Variants in C6 observed in about 807,000 individuals in gnomAD.
The protein encoded by C6 is complement C6.
C6 carries 101 observed loss-of-function variants against 112.9 expected under a neutral mutation model. The observed-to-expected ratio is 0.89, with a 90% CI of 0.76 to 1.06. The LOEUF (loss-of-function observed/expected upper bound fraction) is 1.06. Ranked by LOEUF, C6 falls within the 50% of genes least tolerant of loss-of-function variation. C6 has a pLI of 0.00. For missense variants in C6, 1,202 were observed against 1,104.6 expected, an observed-to-expected ratio of 1.09 and a Z score of -1.25; for synonymous variants, 431 against 384.1, an observed-to-expected ratio of 1.12 and a Z score of -1.43.
chr5:41,186,974 G>A (rs1749821863), intron 5 of C6, among the ~76,000 whole-genome samples: 1 of 151,988 alleles, frequency 6.6e-6, no homozygotes, highest in Non-Finnish European at 1.5e-5. Context: ...ATATTAATAT[G>A]TATTCTGTGA....
intron 1 of C6, among the ~76,000 whole-genome samples, chr5:41,210,577 C>T (rs557297349): frequency 9.9e-5 from 15 of 151,996 alleles, no homozygotes; most frequent in Non-Finnish European, 1.8e-4. Flanking sequence ...AGACCCTTGA[C>T]ATTTGAGAAA....
At chr5:41,234,188 A>G (rs1297820500) in intron 1 of C6, among the ~76,000 whole-genome samples, 1 of 152,118 alleles carries the variant, frequency 6.6e-6, no homozygotes, top group Non-Finnish European at 1.5e-5. Context: ...GAAAAGTAGA[A>G]AACACTATGT....
chr5:41,229,767 A>T (rs1041488011), intron 1 of C6, among the ~76,000 whole-genome samples: 1 of 152,144 alleles, frequency 6.6e-6, no homozygotes, highest in Admixed American at 6.6e-5. Flanking sequence ...TACTGTTAAC[A>T]GTGGGGTATT....
chr5:41,256,416 C>T (rs1054160312), intron 1 of C6, among the ~76,000 whole-genome samples: 6 of 108,436 alleles, frequency 5.5e-5, no homozygotes, highest in African/African-American at 2.3e-4. Context: ...TACCCTAAAA[C>T]TTAAAGTATA....
At chr5:41,214,119 G>A (rs1752100986), upstream of C6, among the ~76,000 whole-genome samples, 2 of 151,978 alleles carry the variant, frequency 1.3e-5, no homozygotes, top group South Asian at 2.1e-4. Flanking sequence ...GAACAAAATA[G>A]TGCAATAGAA....
intron 1 of C6, among the ~76,000 whole-genome samples, chr5:41,234,973 C>A (rs924789456): frequency 1.3e-5 from 2 of 150,842 alleles, no homozygotes; most frequent in African/African-American, 2.4e-5. Flanking sequence ...TCCTTCTATT[C>A]ACTGTGAAGA....
chr5:41,228,136 AT>A (rs772807374), intron 1 of C6, among the ~76,000 whole-genome samples: 2 of 151,498 alleles, frequency 1.3e-5, no homozygotes, highest in Non-Finnish European at 2.9e-5. Context: ...GTCTGCTTCC[AT>A]TTTTTTCAGC....
In C6 at chr5:41,151,231, A is replaced by T. The variant is rs918295774; in HGVS notation, c.2291-1206T>A. ...ATCTATGAGGTTATTGTGGTAGTTCAGGTGAAAGAGGATGATAATTTGGAC... is the reference window on the plus strand; with the variant it reads ...ATCTATGAGGTTATTGTGGTAGTTCTGGTGAAAGAGGATGATAATTTGGAC... On this transcript the variant is annotated intron_variant, in intron 15 of 17. Transcript: ENST00000337836. Among the ~76,000 whole-genome samples the T allele has an allele frequency of 1.0e-3, 154 of 152,304 alleles. 1 individual carries two copies. Among genetic ancestry groups the T allele is most frequent in the African/African-American group, 3.5e-3 (147 of 41,568 alleles).
chr5:41,208,650 AAC>A, intron 1 of C6, among the ~76,000 whole-genome samples: 4 of 152,244 alleles, frequency 2.6e-5, no homozygotes, highest in African/African-American at 9.6e-5. Flanking sequence ...GAACACATAC[AAC>A]CTCTCAAGAC....
At chr5:41,235,329 T>G (rs916206407) in intron 1 of C6, among the ~76,000 whole-genome samples, 1 of 145,304 alleles carries the variant, frequency 6.9e-6, no homozygotes, top group African/African-American at 2.6e-5. Flanking sequence ...ATGCGGTGTT[T>G]GGTTTTTTGT....
chr5:41,211,199 G>C (rs911435250), intron 1 of C6, among the ~76,000 whole-genome samples: 4 of 152,090 alleles, frequency 2.6e-5, no homozygotes, highest in African/African-American at 9.7e-5. Context: ...AGAACACTTG[G>C]ACACAGGGTG....
At position 41,181,416 on chromosome 5, in the gene C6, A is replaced by C; in HGVS notation, c.870T>G (p.Ser290Arg). 6.2e-7 allele frequency: 1 copy of C among 1,613,804 alleles called. No homozygotes were observed. The highest frequency in any genetic ancestry group is 8.5e-7 in the Non-Finnish European group (1 of 1,179,838). ...SVPIFYSSKRSENINHNSAFK... is the reference protein window; with the variant it reads ...SVPIFYSSKRRENINHNSAFK... ...AGGCAGAATTATGGTTGATATTTTC[A>C]CTTCTCTTTGAGGAATAAAAAATTG... is the stretch of plus-strand genomic sequence containing the variant. Residue 290 changes from serine (S) to arginine (R), a missense_variant, in exon 7 of 18, where the codon AGT becomes AGG. By Grantham distance (110) the Ser-to-Arg change is moderately radical (BLOSUM62 -1). Coordinates refer to ENST00000337836, the MANE Select transcript of C6 (RefSeq NM_000065.5).
In C6 at chr5:41,164,964, C is replaced by T. The variant is rs72753976; in HGVS notation, c.1292-3105G>A. On this transcript the variant is annotated intron_variant, in intron 9 of 17. Transcript: ENST00000337836. ...GCCTGGAAATAGAACTCTAGCAACACCGGAAAGCCTCCTTCATGCTTTTAT... is the reference window on the plus strand; with the variant it reads ...GCCTGGAAATAGAACTCTAGCAACATCGGAAAGCCTCCTTCATGCTTTTAT... 4.2e-3 allele frequency among the ~76,000 whole-genome samples: 638 copies of T among 152,256 alleles called. 4 individuals are homozygous for T. Among genetic ancestry groups the T allele is most frequent in the Non-Finnish European group, 4.7e-3 (323 of 68,008 alleles).
At chr5:41,157,579 T>A (rs1427535935) in intron 13 of C6, among the ~76,000 whole-genome samples, 1 of 152,186 alleles carries the variant, frequency 6.6e-6, no homozygotes, top group Non-Finnish European at 1.5e-5. Context: ...TTTTTTTAAG[T>A]GGCAGGTCAA....
chr5:41,170,942 T>C (rs1279117468), intron 9 of C6, among the ~76,000 whole-genome samples: 1 of 152,134 alleles, frequency 6.6e-6, no homozygotes, highest in Non-Finnish European at 1.5e-5. Context: ...GACAGGAACT[T>C]ATGCTTAAGG....
At chr5:41,194,672 G>C (rs1750467596) in intron 5 of C6, among the ~76,000 whole-genome samples, 1 of 152,136 alleles carries the variant, frequency 6.6e-6, no homozygotes, top group Non-Finnish European at 1.5e-5. Context: ...AAATTTAAGA[G>C]GGGTTTCTTT....
At chr5:41,252,661 A>T (rs964481944) in intron 1 of C6, among the ~76,000 whole-genome samples, 2 of 152,118 alleles carry the variant, frequency 1.3e-5, no homozygotes, top group Non-Finnish European at 2.9e-5. Context: ...TTCCCTTTCC[A>T]GGTCTTTTCC....
At chr5:41,188,600 C>A (rs573463068) in intron 5 of C6, among the ~76,000 whole-genome samples, 1 of 152,034 alleles carries the variant, frequency 6.6e-6, no homozygotes, top group East Asian at 1.9e-4. Flanking sequence ...CCCTTTCTCA[C>A]ATAATGCAAA....
intron 1 of C6, among the ~76,000 whole-genome samples, chr5:41,223,884 A>G (rs1739326236): frequency 6.6e-6 from 1 of 152,146 alleles, no homozygotes; most frequent in African/African-American, 2.4e-5. Flanking sequence ...TATCATATCT[A>G]TCTCTTTAAT....
Sources: allele counts gnomAD v4.1 joint callset (sites outside exome capture counted in the v4.1 genomes callset), GRCh38; gene constraint gnomAD v4.1.1; transcripts MANE v1.5; gene names NCBI Gene and HGNC (gene_info 2026-07-23, HGNC 2026-07-21).